Variants in DPH6 observed in about 807,000 individuals in gnomAD.
DPH6 encodes the protein diphthamine biosynthesis 6.
DPH6 carries 33 observed loss-of-function variants against 38.2 expected under a neutral mutation model. The observed-to-expected ratio is 0.86, with a 90% confidence interval of 0.65 to 1.15. The LOEUF (loss-of-function observed/expected upper bound fraction) is 1.15, where lower values mean the gene tolerates loss of function less well. Among genes scored for constraint, DPH6 ranks in the 50% most tolerant of loss-of-function variants. The probability of loss-of-function intolerance (pLI) is 0.00; values close to 1 mark genes in which losing one functional copy is unlikely to be tolerated. For missense variants in DPH6, 325 were observed against 320.0 expected (o/e 1.02, Z -0.12); for synonymous variants, 108 against 103.0 (o/e 1.05, Z -0.30).
chr15:35,317,968 T>A (rs182381416), intron 3 of DPH6, among the ~76,000 whole-genome samples: 1 of 151,764 alleles, frequency 6.6e-6, no homozygotes, highest in African/African-American at 2.4e-5. Context: ...GAAGAATGCC[T>A]AATTAACTTA....
intron 3 of DPH6, among the ~76,000 whole-genome samples, chr15:35,457,367 AT>A (rs201808807): frequency 8.6e-5 from 13 of 151,406 alleles, no homozygotes; most frequent in Non-Finnish European, 1.8e-4. Context: ...TTGTTCAATA[AT>A]TTTTTTTTGA....
chr15:35,357,410 G>A (rs558942060), intron 3 of DPH6, among the ~76,000 whole-genome samples: 24 of 152,248 alleles, frequency 1.6e-4, no homozygotes, highest in Admixed American at 9.8e-4. Context: ...ATTCCTATTT[G>A]GCCATCTTGG....
At chr15:35,464,415 C>A (rs1184460279) in intron 3 of DPH6, among the ~76,000 whole-genome samples, 1 of 152,024 alleles carries the variant, frequency 6.6e-6, no homozygotes, top group Non-Finnish European at 1.5e-5. Context: ...AAATTATATT[C>A]CAGATACTAA....
intron 3 of DPH6, among the ~76,000 whole-genome samples, chr15:35,336,395 C>A (rs1466743297): frequency 6.6e-6 from 1 of 152,026 alleles, no homozygotes; most frequent in Non-Finnish European, 1.5e-5. Flanking sequence ...CTCTAAACTT[C>A]TCTTTTCACT....
intron 3 of DPH6, among the ~76,000 whole-genome samples, chr15:35,235,460 A>T (rs1263795317): frequency 1.3e-5 from 2 of 152,218 alleles, no homozygotes; most frequent in Non-Finnish European, 2.9e-5. Context: ...TTGGCAAAAA[A>T]ATCCAATAAA....
intron 1 of DPH6, among the ~76,000 whole-genome samples, chr15:35,542,957 T>TAC (rs1447511466): frequency 8.7e-6 from 1 of 114,920 alleles, no homozygotes; most frequent in African/African-American, 3.2e-5. Flanking sequence ...TATATATATA[T>TAC]ATATATATAA....
intron 3 of DPH6, among the ~76,000 whole-genome samples, chr15:35,513,554 AT>A (rs2054804177): frequency 6.6e-6 from 1 of 152,180 alleles, no homozygotes; most frequent in Non-Finnish European, 1.5e-5. Flanking sequence ...TGCCAATGTT[AT>A]TTTTACTATG....
At chr15:35,442,479 C>T (rs8033156) in intron 5 of DPH6, among the ~76,000 whole-genome samples, 151,321 of 152,302 alleles carry the variant, frequency 0.99, 75,181 homozygotes, top group Middle Eastern at 1. Context: ...TTGCTCAAAA[C>T]GTTAAACATA....
intron 3 of DPH6, among the ~76,000 whole-genome samples, chr15:35,293,304 A>C (rs2051991812): frequency 1.3e-5 from 2 of 152,216 alleles, no homozygotes; most frequent in African/African-American, 2.4e-5. Flanking sequence ...CATATCTCAT[A>C]ATGACATTGT....
At chr15:35,281,461 T>C (rs1335628333) in intron 3 of DPH6, among the ~76,000 whole-genome samples, 1 of 152,200 alleles carries the variant, frequency 6.6e-6, no homozygotes, top group Non-Finnish European at 1.5e-5. Context: ...AGAAAACATA[T>C]GCTAATAATA....
intron 3 of DPH6, among the ~76,000 whole-genome samples, chr15:35,302,657 G>C (rs941911881): frequency 2.6e-5 from 4 of 152,132 alleles, no homozygotes; most frequent in Non-Finnish European, 4.4e-5. Flanking sequence ...TAATTCTGTG[G>C]TATAAAAAAT....
chr15:35,380,356 G>A (rs762078863), intron 7 of DPH6, among the ~76,000 whole-genome samples: 7 of 152,170 alleles, frequency 4.6e-5, no homozygotes, highest in Non-Finnish European at 5.9e-5. Flanking sequence ...AAAATGAGGA[G>A]GTTGAAAAGG....
intron 3 of DPH6, among the ~76,000 whole-genome samples, chr15:35,281,472 AT>A (rs1053410037): frequency 2.6e-5 from 4 of 152,086 alleles, no homozygotes; most frequent in African/African-American, 7.2e-5. Flanking sequence ...GCTAATAATA[AT>A]TTTTTTTCAT....
chr15:35,162,475 G>A, the DPH6 span, among the ~76,000 whole-genome samples: 1 of 151,846 alleles, frequency 6.6e-6, no homozygotes, highest in Non-Finnish European at 1.5e-5. Flanking sequence ...AGCCTCTGCA[G>A]GAGCTACTTA....
rs763082163 is a variant in DPH6, at chr15:35,538,324, A to G, written c.262T>C (p.Cys88Arg). Residue 88 changes from cysteine (C) to arginine (R), a missense_variant, in exon 3 of 9, where the codon TGT becomes CGT. Cys to Arg is a radical substitution (Grantham distance 180). Coordinates refer to ENST00000256538, the MANE Select transcript of DPH6 (RefSeq NM_080650.4). ...SLDTRQVYTKCEGDEVEDLYE... is the reference protein window; with the variant it reads ...SLDTRQVYTKREGDEVEDLYE... The stretch of plus-strand genomic sequence containing the variant: ...AGATCTTCAACCTCATCACCTTCAC[A>G]TTTGGTGTACACTTGTCTTGTATCC... The G allele has an allele frequency of 1.4e-5, 22 of 1,603,922 alleles. No homozygotes were observed. The highest frequency in any genetic ancestry group is 1.9e-5 in the Non-Finnish European group (22 of 1,172,376).
chr15:35,235,546 C>G (rs1255766273), intron 3 of DPH6, among the ~76,000 whole-genome samples: 1 of 152,154 alleles, frequency 6.6e-6, no homozygotes, highest in East Asian at 1.9e-4. Flanking sequence ...TCAAAAAATG[C>G]AATTATGAAA....
intron 3 of DPH6, among the ~76,000 whole-genome samples, chr15:35,491,548 T>TACAC (rs71309445): frequency 0.22 from 29,874 of 137,450 alleles, 3,382 homozygotes; most frequent in Non-Finnish European, 0.27. Context: ...CCAATAGGTG[T>TACAC]ACACACACAC....
At chr15:35,151,668 C>A in the DPH6 span, among the ~76,000 whole-genome samples, 1 of 152,170 alleles carries the variant, frequency 6.6e-6, no homozygotes, top group Non-Finnish European at 1.5e-5. Context: ...AAGTGTGCAC[C>A]TGTCCAGTGT....
At chr15:35,224,217 C>T (rs891658083) in intron 3 of DPH6, among the ~76,000 whole-genome samples, 1 of 150,626 alleles carries the variant, frequency 6.6e-6, no homozygotes, top group Non-Finnish European at 1.5e-5. Context: ...AGCGATTCTC[C>T]TGCCTCAGTC....
Sources: allele counts gnomAD v4.1 joint callset (sites outside exome capture counted in the v4.1 genomes callset), GRCh38; gene constraint gnomAD v4.1.1; transcripts MANE v1.5; gene names NCBI Gene and HGNC (gene_info 2026-07-23, HGNC 2026-07-21).